Variants in CHST9 observed in about 807,000 individuals in gnomAD.
CHST9 encodes GalNAc-4-sulfotransferase 2.
CHST9 carries 41 observed loss-of-function variants against 44.4 expected under a neutral mutation model. That is an observed-to-expected ratio of 0.92 (90% CI 0.72 to 1.20). CHST9 has a LOEUF of 1.20. Ranked by LOEUF, CHST9 falls within the 50% of genes most tolerant of loss-of-function variation. CHST9 has a pLI of 0.00. For missense variants in CHST9, 504 were observed against 516.5 expected (o/e 0.98, Z 0.23); for synonymous variants, 171 against 178.4 (o/e 0.96, Z 0.33).
chr18:27,019,981 T>C (rs1337736083), intron 4 of CHST9, among the ~76,000 whole-genome samples: 1 of 152,174 alleles, frequency 6.6e-6, no homozygotes, highest in Admixed American at 6.5e-5. Flanking sequence ...GAATAGATGC[T>C]TGTCTTTGCA....
chr18:26,969,704 T>C (rs1307085512), intron 4 of CHST9, among the ~76,000 whole-genome samples: 1 of 152,046 alleles, frequency 6.6e-6, no homozygotes. Context: ...ATGAAGAAGA[T>C]AAATTAGGGT....
At position 26,915,426 on chromosome 18, in the gene CHST9, ATTCCATCCTGAAACAAT is replaced by A. The variant is rs1312270810; in HGVS notation, c.*816_*832del. 6.5e-6 allele frequency: 1 copy of A among 153,168 alleles called. No homozygotes were observed. Among genetic ancestry groups the A allele is most frequent in the African/African-American group, 2.4e-5 (1 of 41,504 alleles). The allele number at this position is 153,168 out of a possible 1,614,324, so 9.5% of individuals were successfully genotyped here. On this transcript the variant is annotated 3_prime_UTR_variant, in exon 6 of 6. Coordinates refer to ENST00000618847, the MANE Select transcript of CHST9 (RefSeq NM_031422.6). ...ATGGCAACTTTTGTTTTTGATGATT[ATTCCATCCTGAAACAAT>A]TTCCCCCCTGCTCAATTAAACCAGA...
At chr18:27,016,866 A>G (rs1439100091) in intron 4 of CHST9, among the ~76,000 whole-genome samples, 1 of 152,202 alleles carries the variant, frequency 6.6e-6, no homozygotes, top group Non-Finnish European at 1.5e-5. Context: ...TGCAATACAT[A>G]ATATTATTAG....
chr18:27,146,168 C>T (rs971311605), intron 1 of CHST9, among the ~76,000 whole-genome samples: 2 of 152,066 alleles, frequency 1.3e-5, no homozygotes, highest in Non-Finnish European at 2.9e-5. Context: ...TTATTACCTA[C>T]GATGCTGGAA....
rs200176313 is a variant in CHST9 at position 27,052,266 on chromosome 18, GTGTATATATA to G, written c.122-3773_122-3764del. Among the ~76,000 whole-genome samples, 977 of 131,630 alleles carry G rather than the reference GTGTATATATA, an allele frequency of 7.4e-3. 8 individuals carry two copies. The highest frequency in any genetic ancestry group is 0.024 in the African/African-American group (940 of 39,774). 86.4% of individuals were successfully genotyped at this position (131,630 alleles called of 152,430 possible). On this transcript the variant is annotated intron_variant, in intron 2 of 5. Coordinates refer to ENST00000618847, the MANE Select transcript of CHST9 (RefSeq NM_031422.6). Reference sequence around the variant, plus strand: ...TATAGGTGTGTGTGTATATATATATGTGTATATATATGTATATATATGTGTGTATATATGT... The same window carrying G: ...TATAGGTGTGTGTGTATATATATATGTGTATATATATGTGTGTATATATGT...
At chr18:27,132,589 A>G (rs9964571) in intron 2 of CHST9, among the ~76,000 whole-genome samples, 114,999 of 152,096 alleles carry the variant, frequency 0.76, 43,791 homozygotes, top group East Asian at 0.92. Context: ...GAACAAGGCA[A>G]TACCTTGGGG....
Position 26,916,217 on chromosome 18 carries a change from T to A in CHST9, c.*42A>T. On this transcript the variant is annotated 3_prime_UTR_variant, in exon 6 of 6. Coordinates refer to ENST00000618847, the MANE Select transcript of CHST9 (RefSeq NM_031422.6). ...AAAAATTACAGCTGATTTGAACTTA[T>A]CATCATTAAGTATATACAGGGTTTT... 6 of 1,360,160 alleles carry A rather than the reference T, an allele frequency of 4.4e-6. No individual in the cohort carries two copies. The highest frequency in any genetic ancestry group is 5.0e-6 in the Non-Finnish European group (5 of 990,454). The allele number at this position is 1,360,160 out of a possible 1,614,324, so 84.3% of individuals were successfully genotyped here. A position where few individuals can be genotyped will look rare whatever the true frequency, so the allele number is the denominator to read the frequency against.
At chr18:26,991,244 T>C (rs1048682377) in intron 4 of CHST9, among the ~76,000 whole-genome samples, 2 of 152,120 alleles carry the variant, frequency 1.3e-5, no homozygotes, top group Admixed American at 6.6e-5. Flanking sequence ...CAAGTGGTGC[T>C]TGACATTTGA....
intron 5 of CHST9, among the ~76,000 whole-genome samples, chr18:26,918,504 C>CATATATATATATATATAGTACAT (rs35106517): frequency 6.7e-6 from 1 of 149,450 alleles, no homozygotes; most frequent in Non-Finnish European, 1.5e-5. Context: ...CACATGATTG[C>CATATATATATATATATAGTACAT]ATATATATAT....
Position 26,913,949 on chromosome 18 carries a change from G to A in CHST9, c.*2310C>T, listed in dbSNP as rs1326655599. ...TACATAAAAAGTTTGTTCTTACTTG[G>A]CAAAGACATGCATGGCTTTTGGAAC... On this transcript the variant is annotated 3_prime_UTR_variant, in exon 6 of 6. Coordinates refer to ENST00000618847, the MANE Select transcript of CHST9 (RefSeq NM_031422.6). The A allele has an allele frequency of 6.6e-6, 1 of 152,168 alleles. No homozygotes were observed. The highest frequency in any genetic ancestry group is 1.5e-5 in the Non-Finnish European group (1 of 68,040). 9.4% of individuals were successfully genotyped at this position (152,168 alleles called of 1,614,324 possible).
intron 5 of CHST9, among the ~76,000 whole-genome samples, chr18:26,926,586 A>G (rs2055772225): frequency 6.6e-6 from 1 of 152,250 alleles, no homozygotes; most frequent in Admixed American, 6.5e-5. Context: ...TTGCAAATTT[A>G]CAGATAAATA....
intron 4 of CHST9, among the ~76,000 whole-genome samples, chr18:26,957,468 G>T (rs946973930): frequency 6.6e-6 from 1 of 151,704 alleles, no homozygotes; most frequent in Non-Finnish European, 1.5e-5. Flanking sequence ...ATCCCCTACT[G>T]AGAGCTATTT....
chr18:27,070,152 T>C (rs2057823442), intron 2 of CHST9, among the ~76,000 whole-genome samples: 1 of 152,206 alleles, frequency 6.6e-6, no homozygotes, highest in Non-Finnish European at 1.5e-5. Context: ...TATTTAGAAC[T>C]TTCTTGTAGC....
intron 3 of CHST9, among the ~76,000 whole-genome samples, chr18:27,041,383 A>C (rs1420065170): frequency 1.3e-5 from 2 of 152,166 alleles, no homozygotes; most frequent in Non-Finnish European, 2.9e-5. Context: ...AAACACATAC[A>C]TGTTGTTTGT....
At chr18:27,139,500 CAT>C (rs910033349) in intron 2 of CHST9, among the ~76,000 whole-genome samples, 72 of 127,406 alleles carry the variant, frequency 5.7e-4, no homozygotes, top group African/African-American at 1.6e-3. Context: ...CACACACACA[CAT>C]ATATATATAT....
At position 26,992,237 on chromosome 18, in the gene CHST9, G is replaced by A. The variant is rs1446194757; in HGVS notation, c.202+31879C>T. On this transcript the variant is annotated intron_variant, in intron 4 of 5. Coordinates refer to ENST00000618847, the MANE Select transcript of CHST9 (RefSeq NM_031422.6). ...GCCCCTCACTCTGAATTAGAAGCGA[G>A]TGACATGAAGAACAAATCACACCAC... Among the ~76,000 whole-genome samples the A allele has an allele frequency of 6.3e-5, 8 of 126,634 alleles. 2 individuals carry two copies. The Admixed American group carries it at 7.1e-4, about 11-fold the overall frequency. 83.1% of individuals were successfully genotyped at this position (126,634 alleles called of 152,430 possible). A position where few individuals can be genotyped will look rare whatever the true frequency, so the allele number is the denominator to read the frequency against.
intron 4 of CHST9, among the ~76,000 whole-genome samples, chr18:26,964,226 C>G (rs554285715): frequency 6.6e-6 from 1 of 152,280 alleles, no homozygotes; most frequent in East Asian, 1.9e-4. Flanking sequence ...AACTTAGCCA[C>G]TAAGAAATTA....
At chr18:27,014,432 C>A (rs568629370) in intron 4 of CHST9, among the ~76,000 whole-genome samples, 2 of 114,294 alleles carry the variant, frequency 1.7e-5, no homozygotes, top group African/African-American at 6.8e-5. Flanking sequence ...CCAGCCTGGG[C>A]GACAGAGCGA....
chr18:27,120,035 T>A (rs1412887699), intron 2 of CHST9, among the ~76,000 whole-genome samples: 1 of 152,150 alleles, frequency 6.6e-6, no homozygotes, highest in East Asian at 1.9e-4. Context: ...GGGAACCTAA[T>A]GGAGATGGGT....
Sources: allele counts gnomAD v4.1 joint callset (sites outside exome capture counted in the v4.1 genomes callset), GRCh38; gene constraint gnomAD v4.1.1; transcripts MANE v1.5; gene names NCBI Gene and HGNC (gene_info 2026-07-23, HGNC 2026-07-21).